AIG1: variants seen among roughly 807,000 people sequenced by gnomAD.
AIG1 encodes androgen induced 1.
In AIG1, 23 loss-of-function variants were observed where a neutral mutation model predicts 31.4. The observed-to-expected ratio is 0.73, with a 90% confidence interval of 0.53 to 1.04. The LOEUF is 1.04. Ranked by LOEUF, AIG1 falls within the 50% of genes least tolerant of loss-of-function variation. The probability of loss-of-function intolerance (pLI) is 0.00; values close to 1 mark genes in which losing one functional copy is unlikely to be tolerated. For synonymous variants in AIG1, 100 were observed against 110.5 expected (o/e 0.90, Z 0.60); for missense variants, 274 against 295.0 (o/e 0.93, Z 0.52).
In AIG1 at chr6:143,327,678, A is replaced by G. The variant is rs1272322307; in HGVS notation, c.516-5604A>G. On this transcript the variant is annotated intron_variant, in intron 4 of 5. Transcript: ENST00000357847. The surrounding 1 kb of genome is among the most constrained non-coding windows in gnomAD (Gnocchi z 5.3). ...TAACTGCTGATTGTCAAATACATCAAATAAAGTTATAAAATTGTAAAAAAA... is the reference window on the plus strand; with the variant it reads ...TAACTGCTGATTGTCAAATACATCAGATAAAGTTATAAAATTGTAAAAAAA... 6.1e-6 allele frequency: 1 copy of G among 162,744 alleles called. No individual in the cohort carries two copies. Among genetic ancestry groups the G allele is most frequent in the Non-Finnish European group, 1.2e-5 (1 of 81,076 alleles). The allele number at this position is 162,744 out of a possible 1,614,324, so 10.1% of individuals were successfully genotyped here.
At chr6:143,098,560 A>G (rs1419791762) in intron 1 of AIG1, among the ~76,000 whole-genome samples, 1 of 152,222 alleles carries the variant, frequency 6.6e-6, no homozygotes, top group Non-Finnish European at 1.5e-5. Context: ...TGGTGGCTTT[A>G]AATACATTCT....
rs569023927 is a variant in AIG1 at position 143,147,873 on chromosome 6, C to G, written c.297+10883C>G. The stretch of plus-strand genomic sequence containing the variant: ...AAATGGAATAATGAGAGTTGACTTT[C>G]ACTTACATGCTTGCTGTGGGCCAGG... On this transcript the variant is annotated intron_variant, in intron 2 of 5. Transcript: ENST00000357847. Among the ~76,000 whole-genome samples the G allele has an allele frequency of 3.9e-5, 6 of 152,316 alleles. No individual in the cohort carries two copies. The East Asian group carries it at 9.7e-4, about 25-fold the overall frequency.
At chr6:143,307,093 T>C (rs534235360) in intron 4 of AIG1, among the ~76,000 whole-genome samples, 1,815 of 152,282 alleles carry the variant, frequency 0.012, 35 homozygotes, top group African/African-American at 0.04. Context: ...ATTCTAGTTA[T>C]ACATTCGTCT....
intron 1 of AIG1, among the ~76,000 whole-genome samples, chr6:143,120,469 T>G (rs1414663156): frequency 2.0e-5 from 3 of 151,900 alleles, no homozygotes; most frequent in Non-Finnish European, 4.4e-5. Context: ...TGATGGAAGG[T>G]GAAGGAGGAG....
chr6:143,231,462 T>C (rs991471679), intron 3 of AIG1, among the ~76,000 whole-genome samples: 1 of 152,160 alleles, frequency 6.6e-6, no homozygotes, highest in Non-Finnish European at 1.5e-5. Flanking sequence ...TGAAGCTGCA[T>C]CTTACAAGAT....
chr6:143,061,013 C>T lies in AIG1; in HGVS notation c.88C>T (p.Pro30Ser), dbSNP rs1192301474. Residue 30 changes from proline to serine, a missense_variant, in exon 1 of 6, where the codon CCC becomes TCC. Pro to Ser is a moderately conservative substitution (Grantham distance 74). Around this residue, in one of 2 missense-constraint regions of AIG1, gnomAD observed 243 missense variants for 238.5 expected, o/e 1.02. Transcript: ENST00000357847. ...GTGTAACTACAAGGCCATCGAAATG[C>T]CCTCACACCAGACCTACGGAGGGAG... ...ILCNYKAIEM[P>S]SHQTYGGSWK... 6.2e-7 allele frequency: 1 copy of T among 1,613,526 alleles called. No homozygotes were observed.
At chr6:143,159,378 C>T (rs1210965256) in intron 2 of AIG1, among the ~76,000 whole-genome samples, 1 of 151,994 alleles carries the variant, frequency 6.6e-6, no homozygotes, top group Admixed American at 6.6e-5. Flanking sequence ...TAATGAAGAA[C>T]AGAAATCTAG....
At chr6:143,104,192 A>G (rs1372987547) in intron 1 of AIG1, among the ~76,000 whole-genome samples, 3 of 152,230 alleles carry the variant, frequency 2.0e-5, no homozygotes, top group Non-Finnish European at 4.4e-5. Context: ...TTAAGAGTGA[A>G]TCTTGCAGCC....
chr6:143,262,537 G>A (rs1795858230), intron 3 of AIG1, among the ~76,000 whole-genome samples: 1 of 152,140 alleles, frequency 6.6e-6, no homozygotes, highest in Non-Finnish European at 1.5e-5. Context: ...GATGGAAGGT[G>A]CTGCCAAGAA....
chr6:143,324,463 A>C (rs753371000), intron 4 of AIG1, among the ~76,000 whole-genome samples: 1 of 152,192 alleles, frequency 6.6e-6, no homozygotes, highest in Non-Finnish European at 1.5e-5. Flanking sequence ...TTCTGAGCAA[A>C]ACATTAAAAG....
intron 1 of AIG1, among the ~76,000 whole-genome samples, chr6:143,072,514 C>G (rs534385917): frequency 2.0e-5 from 3 of 151,954 alleles, no homozygotes; most frequent in African/African-American, 7.2e-5. Context: ...TTTCTTGTTT[C>G]TTGTTCCTAT....
rs2303387 is a variant in AIG1 at position 143,333,686 on chromosome 6, C to T, written c.679+241C>T. 0.2 allele frequency among the ~76,000 whole-genome samples: 30,178 copies of T among 152,106 alleles called. 3,195 individuals are homozygous for T. Among genetic ancestry groups the T allele is most frequent in the South Asian group, 0.33 (1,580 of 4,812 alleles). On this transcript the variant is annotated intron_variant, in intron 5 of 5. Coordinates refer to ENST00000357847, the MANE Select transcript of AIG1 (RefSeq NM_016108.4). The surrounding 1 kb of genome is among the most constrained non-coding windows in gnomAD (Gnocchi z 4.6). The stretch of plus-strand genomic sequence containing the variant: ...CCTCCAAATCTAAAGAGGAAAGAGG[C>T]ATGTCTATAAAATTTTATAGGGAAA...
rs1798125500 is a variant in AIG1 at position 143,292,533 on chromosome 6, T to C, written c.515+8308T>C. On this transcript the variant is annotated intron_variant, in intron 4 of 5. Coordinates refer to ENST00000357847, the MANE Select transcript of AIG1 (RefSeq NM_016108.4). This position sits in a 1 kb window ranked among gnomAD's most constrained non-coding sequence, Gnocchi z 4.9. ...AAAGGCAAGGAAAGGGATTCTCCCC[T>C]AGGGCTTCCAGAAAGGAACTCAGCC... Among the ~76,000 whole-genome samples the C allele has an allele frequency of 6.6e-6, 1 of 152,156 alleles. No individual in the cohort carries two copies. Among genetic ancestry groups the C allele is most frequent in the African/African-American group, 2.4e-5 (1 of 41,396 alleles).
chr6:143,276,122 T>C (rs1268870071), intron 3 of AIG1, among the ~76,000 whole-genome samples: 1 of 152,240 alleles, frequency 6.6e-6, no homozygotes, highest in Non-Finnish European at 1.5e-5. Context: ...TTAAAATCTT[T>C]AAATGCAAAA....
chr6:143,171,525 T>TATA (rs1787625947), intron 3 of AIG1, among the ~76,000 whole-genome samples: 1 of 130,266 alleles, frequency 7.7e-6, no homozygotes, highest in Non-Finnish European at 1.6e-5. Context: ...AATATATATA[T>TATA]TTAATATATA....
intron 3 of AIG1, among the ~76,000 whole-genome samples, chr6:143,211,396 C>G (rs1451437902): frequency 6.6e-6 from 1 of 152,112 alleles, no homozygotes; most frequent in Non-Finnish European, 1.5e-5. Context: ...GAGACATGGA[C>G]CACAGGATCC....
Position 143,263,005 on chromosome 6 carries a change from A to G in AIG1, c.400-21105A>G, listed in dbSNP as rs1207893275. 2.0e-5 allele frequency among the ~76,000 whole-genome samples: 3 copies of G among 152,212 alleles called. No homozygotes were observed. In the East Asian group the frequency reaches 5.8e-4, roughly 29 times the overall value. ...ATGAGCAGATTGACAGAAGAGAGCCACAAGTAGTATTTGTTAGGGCACTGA... is the reference window on the plus strand; with the variant it reads ...ATGAGCAGATTGACAGAAGAGAGCCGCAAGTAGTATTTGTTAGGGCACTGA... On this transcript the variant is annotated intron_variant, in intron 3 of 5. Transcript: ENST00000357847.
chr6:143,296,843 T>A (rs1798460188), intron 4 of AIG1, among the ~76,000 whole-genome samples: 2 of 152,178 alleles, frequency 1.3e-5, no homozygotes, highest in Non-Finnish European at 2.9e-5. Context: ...AGCAACTGGC[T>A]TATTGTTATT....
At position 143,327,351 on chromosome 6, in the gene AIG1, A is replaced by G; in HGVS notation, c.516-5931A>G. 2 of 258,378 alleles carry G rather than the reference A, an allele frequency of 7.7e-6. No individual in the cohort carries two copies. The highest frequency in any genetic ancestry group is 1.5e-5 in the Non-Finnish European group (2 of 130,880). The allele number at this position is 258,378 out of a possible 1,614,324, so 16.0% of individuals were successfully genotyped here. On this transcript the variant is annotated intron_variant, in intron 4 of 5. Coordinates refer to ENST00000357847, the MANE Select transcript of AIG1 (RefSeq NM_016108.4). The surrounding 1 kb of genome is among the most constrained non-coding windows in gnomAD (Gnocchi z 5.3). The stretch of plus-strand genomic sequence containing the variant: ...ACAAGGTGGTGACCTCGTTGATGAT[A>G]CACCATCAACATTCACAAGCGCGTC...
Sources: allele counts gnomAD v4.1 joint callset (sites outside exome capture counted in the v4.1 genomes callset), GRCh38; gene constraint gnomAD v4.1.1; regional missense constraint gnomAD v4.1.1; non-coding constraint Gnocchi (gnomAD v3.1); transcripts MANE v1.5; gene names NCBI Gene and HGNC (gene_info 2026-07-23, HGNC 2026-07-21).